Variants in HELZ2 observed in about 807,000 individuals in gnomAD.
HELZ2 encodes the protein helicase with zinc finger 2.
HELZ2 carries 143 observed loss-of-function variants against 208.8 expected under a neutral mutation model. That is an observed-to-expected ratio of 0.68 (90% CI 0.60 to 0.79). HELZ2 has a LOEUF of 0.79. Ranked by LOEUF, HELZ2 falls within the 30% of genes least tolerant of loss-of-function variation. The pLI is 0.00. For missense variants in HELZ2, 3,690 were observed against 3,794.5 expected, an observed-to-expected ratio of 0.97 and a Z score of 0.72; for synonymous variants, 1,705 against 1,693.7, an observed-to-expected ratio of 1.01 and a Z score of -0.16.
In HELZ2 at chr20:63,564,194, C is replaced by T. The variant is rs138821264; in HGVS notation, c.4628G>A (p.Ser1543Asn). ...AGGCGTGACCGTCCGCGTGCACTCG[C>T]TGCCCACCAGGAACTCAGCCACGAG... Residue 1543 changes from serine (S) to asparagine (N), a missense_variant, in exon 8 of 19, where the codon AGC becomes AAC. By Grantham distance (46) the Ser-to-Asn change is conservative (BLOSUM62 1). This residue lies in a region of HELZ2 where 2,564 missense variants were observed against 2,580.5 expected (regional missense o/e 0.99). Transcript: ENST00000467148. 1.7e-5 allele frequency: 28 copies of T among 1,611,666 alleles called. No homozygotes were observed. In the East Asian group the frequency reaches 6.0e-4, roughly 35 times the overall value.
At position 63,570,099 on chromosome 20, in the gene HELZ2, C is replaced by T. The variant is rs1472243364; in HGVS notation, c.570+405G>A. On this transcript the variant is annotated intron_variant, in intron 3 of 18. Transcript: ENST00000467148. Reference sequence around the variant, plus strand: ...GAGTAGATGGGATCACAGGCACCCACCACCATGCCTGGCTAATTTTTTTTT... The same window carrying T: ...GAGTAGATGGGATCACAGGCACCCATCACCATGCCTGGCTAATTTTTTTTT... 11 of 393,250 alleles carry T rather than the reference C, an allele frequency of 2.8e-5. No individual in the cohort carries two copies. In the Middle Eastern group the frequency reaches 5.3e-3, roughly 190 times the overall value. The allele number at this position is 393,250 out of a possible 1,614,324, so 24.4% of individuals were successfully genotyped here.
chr20:63,563,682 G>A (rs2082914800), exon 8 of HELZ2: 1 of 1,576,868 alleles, frequency 6.3e-7, no homozygotes, highest in African/African-American at 1.3e-5. Context: ...GCAAGTGCGT[G>A]CTGGAGGCTG....
chr20:63,567,974 C>A (rs961792235), intron 5 of HELZ2: 5 of 522,402 alleles, frequency 9.6e-6, no homozygotes, highest in African/African-American at 7.7e-5. Flanking sequence ...AAGGCCCCGG[C>A]CTGGGGAGGT....
chr20:63,569,293 T>A, exon 4 of HELZ2: 2 of 1,574,810 alleles, frequency 1.3e-6, no homozygotes, highest in Non-Finnish European at 1.7e-6. Context: ...TACTTGGCCA[T>A]CAGGGCCGTC....
chr20:63,559,627 GA>G (rs1442039505), intron 18 of HELZ2, among the ~76,000 whole-genome samples: 1 of 81,282 alleles, frequency 1.2e-5, no homozygotes, highest in Admixed American at 1.0e-4. Flanking sequence ...GAGTCAGTCA[GA>G]GTCAGGTGGG....
chr20:63,566,428 C>T, exon 7 of HELZ2: 1 of 1,548,444 alleles, frequency 6.5e-7, no homozygotes, highest in Non-Finnish European at 8.7e-7. Context: ...GTCCCGCCTC[C>T]TCAGCTCCTG....
Position 63,563,071 on chromosome 20 carries a change from C to T in HELZ2, c.5751G>A (p.Glu1917=), listed in dbSNP as rs368424057. ...GGCCTGAGAAGCAGTCTCCGGGCCG[C>T]TCCACGTGCTCCAGGCAGAGGCTGA... The change falls in exon 8 of 19, where the codon GAG becomes GAA. Residue 1917 remains glutamate, a synonymous_variant. Transcript: ENST00000467148. 7.9e-5 allele frequency: 127 copies of T among 1,597,938 alleles called. No individual in the cohort carries two copies. Among genetic ancestry groups the T allele is most frequent in the Non-Finnish European group, 1.0e-4 (121 of 1,172,034 alleles).
exon 6 of HELZ2, chr20:63,566,999 C>T: frequency 6.2e-7 from 1 of 1,610,886 alleles, no homozygotes. Context: ...TCTGGGCTGC[C>T]CGCCACGTGG....
exon 4 of HELZ2, chr20:63,569,385 G>A (rs6089924): frequency 0.09 from 144,343 of 1,608,308 alleles, 11,144 homozygotes; most frequent in African/African-American, 0.38. Flanking sequence ...GTGGCCGAGC[G>A]CCAGATTCCT....
chr20:63,561,892 C>T lies in HELZ2; in HGVS notation c.6622G>A (p.Glu2208Lys). 1 of 1,578,458 alleles carries T rather than the reference C, an allele frequency of 6.3e-7. No individual in the cohort carries two copies. Among genetic ancestry groups the T allele is most frequent in the African/African-American group, 1.3e-5 (1 of 74,294 alleles). Residue 2208 changes from glutamate to lysine, a missense_variant, in exon 11 of 19, where the codon GAG (glutamate) becomes AAG (lysine). Coordinates refer to ENST00000467148, the Ensembl canonical transcript of HELZ2. ...ATGCAGGGACCCCCCAGCCGCTTCT[C>T]CCCACGGGGGGGGCCTCCGGGCTGC...
intron 1 of HELZ2, chr20:63,571,884 C>G (rs1342680969): frequency 2.9e-6 from 1 of 344,538 alleles, no homozygotes; most frequent in African/African-American, 3.6e-5. Flanking sequence ...GCTCCAAGCT[C>G]CTGGGAGCCT....
upstream of HELZ2, chr20:63,572,656 G>C: frequency 2.2e-6 from 1 of 449,078 alleles, no homozygotes; most frequent in South Asian, 4.5e-5. Flanking sequence ...CGAAGCGGCC[G>C]CCAAACTCCG....
At chr20:63,567,992 G>A (rs994522197) in intron 5 of HELZ2, 7 of 537,506 alleles carry the variant, frequency 1.3e-5, no homozygotes, top group Admixed American at 3.5e-5. Flanking sequence ...GGTGGTGGTG[G>A]CAGGAACCAG....
intron 5 of HELZ2, chr20:63,567,950 TG>T: frequency 3.7e-6 from 2 of 537,536 alleles, no homozygotes; most frequent in Non-Finnish European, 6.5e-6. Context: ...CACTCCCCAC[TG>T]GGCAGGGATG....
chr20:63,562,196 G>A (rs1485842616), exon 10 of HELZ2: 2 of 1,612,076 alleles, frequency 1.2e-6, no homozygotes, highest in South Asian at 1.1e-5. Flanking sequence ...GGAACCTGCT[G>A]GGGATCACTG....
In HELZ2 at chr20:63,570,506, C is replaced by A. The variant is rs763283886; in HGVS notation, c.568G>T (p.Glu190Ter). 1 of 1,612,762 alleles carries A rather than the reference C, an allele frequency of 6.2e-7. No individual in the cohort carries two copies. Among genetic ancestry groups the A allele is most frequent in the South Asian group, 1.1e-5 (1 of 91,044 alleles). The change falls in exon 3 of 19, where the codon GAG (glutamate) becomes TAG (stop). Residue 190 changes from glutamate to a stop codon, truncating the protein, a stop_gained and splice_region_variant. Coordinates refer to ENST00000467148, the Ensembl canonical transcript of HELZ2. LOFTEE classifies it high-confidence loss of function. ...AGTCGGAGCTGTTCTCCGCTCACCT[C>A]AGAGTGGACGGCAAACGTCCAGCTG...
At chr20:63,563,554 C>A in exon 8 of HELZ2, 2 of 1,516,618 alleles carry the variant, frequency 1.3e-6, no homozygotes, top group Non-Finnish European at 1.8e-6. Context: ...TGGGGAAGAG[C>A]AGCCGGAAGC....
chr20:63,564,248 A>G (rs1482594073), exon 8 of HELZ2: 2 of 1,611,748 alleles, frequency 1.2e-6, no homozygotes, highest in East Asian at 2.2e-5. Context: ...GTACTCCTTC[A>G]CCATGATGTG....
At chr20:63,561,153 C>T (rs2082881672) in exon 14 of HELZ2, 1 of 1,612,946 alleles carries the variant, frequency 6.2e-7, no homozygotes, top group Non-Finnish European at 8.5e-7. Flanking sequence ...GCCTCGTCAA[C>T]AAGGATCTGC....
Sources: gnomAD v4.1 joint callset for allele counts (sites outside exome capture counted in the v4.1 genomes callset) on GRCh38, gnomAD v4.1.1 for gene constraint, gnomAD v4.1.1 regional missense constraint, MANE v1.5 for transcripts, NCBI Gene and HGNC (gene_info 2026-07-23, HGNC 2026-07-21) for gene names.